Variants in MAP3K5 observed in about 807,000 individuals in gnomAD.
MAP3K5 encodes ASK-1.
Under a neutral mutation model 158.7 loss-of-function variants are expected in MAP3K5, and 56 were observed. That is an observed-to-expected ratio of 0.35 (90% CI 0.28 to 0.44). The LOEUF (loss-of-function observed/expected upper bound fraction) is 0.44, where lower values mean the gene tolerates loss of function less well. Ranked by LOEUF, MAP3K5 falls within the 20% of genes least tolerant of loss-of-function variation. The pLI, the probability that MAP3K5 is intolerant of heterozygous loss-of-function variation, is 1.00. For missense variants in MAP3K5, 1,294 were observed against 1,674.8 expected (o/e 0.77, Z 3.97); for synonymous variants, 579 against 601.7 (o/e 0.96, Z 0.55).
chr6:136,611,107 C>CAAAAAAAAAAAAAAAAAAAA (rs59508317), intron 18 of MAP3K5, among the ~76,000 whole-genome samples, 175 bp downstream of exon 18: 7 of 24,444 alleles, frequency 2.9e-4, no homozygotes, highest in African/African-American at 4.8e-4. Context: ...GACCCTGTCT[C>CAAAAAAAAAAAAAAAAAAAA]AAAAAAAAAA....
intron 14 of MAP3K5, among the ~76,000 whole-genome samples, chr6:136,623,716 T>A (rs1208989748): frequency 6.6e-6 from 1 of 152,170 alleles, no homozygotes; most frequent in African/African-American, 2.4e-5. Context: ...GGACTGGAAC[T>A]AAATGATTTA....
At position 136,613,157 on chromosome 6, in the gene MAP3K5, T is replaced by G; in HGVS notation, c.2378A>C (p.Tyr793Ser). Residue 793 changes from tyrosine to serine, a missense_variant, in exon 17 of 30, where the codon TAT becomes TCT. This residue lies in a region of MAP3K5 where 362 missense variants were observed against 463.2 expected (regional missense o/e 0.78). Transcript: ENST00000359015. The surrounding 1 kb of genome is among the most constrained non-coding windows in gnomAD (Gnocchi z 4.0). Reference sequence around the variant, plus strand: ...GTGAACTATCTGATTGTCATGGAGATATTTTAATCCTTCCAGTATTTGCTT... The same window carrying G: ...GTGAACTATCTGATTGTCATGGAGAGATTTTAATCCTTCCAGTATTTGCTT... ...YTKQILEGLK[Y>S]LHDNQIVHRD... The G allele has an allele frequency of 6.2e-7, 1 of 1,612,832 alleles. No homozygotes were observed. The highest frequency in any genetic ancestry group is 8.5e-7 in the Non-Finnish European group (1 of 1,179,460).
At chr6:136,694,395 T>C (rs1780514819) in intron 6 of MAP3K5, 85 bp from the exon 7 acceptor site, 1 of 1,090,816 alleles carries the variant, frequency 9.2e-7, no homozygotes, top group Non-Finnish European at 1.3e-6. Flanking sequence ...TTTAACATGT[T>C]GATTCATATT....
intron 7 of MAP3K5, among the ~76,000 whole-genome samples, chr6:136,676,634 A>G (rs1779713014): frequency 6.6e-6 from 1 of 151,974 alleles, no homozygotes; most frequent in African/African-American, 2.4e-5. Flanking sequence ...GAATTGGTAT[A>G]TGATTTTTTT....
Position 136,605,210 on chromosome 6 carries a change from T to C in MAP3K5, c.2678A>G (p.Lys893Arg). The C allele has an allele frequency of 1.2e-6, 2 of 1,613,284 alleles. No homozygotes were observed. The highest frequency in any genetic ancestry group is 1.1e-5 in the South Asian group (1 of 90,768). Residue 893 changes from lysine to arginine, a missense_variant and splice_region_variant, in exon 19 of 30, where the codon AAG becomes AGG. Transcript: ENST00000359015. ...TTTTTAAGAGAAATGAAGTGTGACCTTGAACATAGCTGCTTGTGGTTCTCC... is the reference window on the plus strand; with the variant it reads ...TTTTTAAGAGAAATGAAGTGTGACCCTGAACATAGCTGCTTGTGGTTCTCC... The part of the protein sequence containing the change: ...ELGEPQAAMF[K>R]VGMFKVHPEI...
chr6:136,772,464 G>A (rs1784245226), intron 1 of MAP3K5, among the ~76,000 whole-genome samples: 1 of 151,936 alleles, frequency 6.6e-6, no homozygotes, highest in Admixed American at 6.6e-5. Flanking sequence ...ATTCAGAAAA[G>A]GATGGTTGGG....
chr6:136,601,427 A>T (rs991407404), intron 20 of MAP3K5, among the ~76,000 whole-genome samples: 1 of 152,202 alleles, frequency 6.6e-6, no homozygotes, highest in African/African-American at 2.4e-5. Flanking sequence ...AGGGCTTGGA[A>T]ATCCAACAGC....
intron 26 of MAP3K5, among the ~76,000 whole-genome samples, chr6:136,565,965 T>G (rs553820084): frequency 5.9e-5 from 9 of 152,180 alleles, no homozygotes; most frequent in Non-Finnish European, 1.3e-4. Flanking sequence ...GACATACTAA[T>G]GTAATAAAGA....
In MAP3K5 at chr6:136,639,603, TAAAG is replaced by T; in HGVS notation, c.1870_1873del (p.Leu624MetfsTer26). ...GAAATCATCAGAATTGTGAAGCACA[TAAAG>T]AAAGCAGCATCTTTCTTCAAATTTA... On this transcript the variant is annotated frameshift_variant, in exon 13 of 30. Transcript: ENST00000359015. LOFTEE classifies it high-confidence loss of function. 3 of 1,598,630 alleles carry T rather than the reference TAAAG, an allele frequency of 1.9e-6. No homozygotes were observed. The highest frequency in any genetic ancestry group is 2.6e-6 in the Non-Finnish European group (3 of 1,175,060).
intron 1 of MAP3K5, among the ~76,000 whole-genome samples, chr6:136,737,762 A>G (rs954982847): frequency 6.6e-6 from 1 of 152,242 alleles, no homozygotes; most frequent in African/African-American, 2.4e-5. Flanking sequence ...ATGGGCTGAT[A>G]ACCTTCAAGT....
chr6:136,761,691 T>C (rs1188095690), intron 1 of MAP3K5, among the ~76,000 whole-genome samples: 1 of 152,204 alleles, frequency 6.6e-6, no homozygotes, highest in Non-Finnish European at 1.5e-5. Context: ...GGGGCTGCGA[T>C]GAGGCAGATG....
At chr6:136,700,440 G>A (rs989512639) in intron 3 of MAP3K5, among the ~76,000 whole-genome samples, 2 of 152,132 alleles carry the variant, frequency 1.3e-5, no homozygotes, top group Non-Finnish European at 2.9e-5. Flanking sequence ...TTCTAAGGGC[G>A]ACTACCTATA....
At chr6:136,578,514 T>C (rs955981815) in intron 25 of MAP3K5, among the ~76,000 whole-genome samples, 1 of 151,808 alleles carries the variant, frequency 6.6e-6, no homozygotes, top group African/African-American at 2.4e-5. Flanking sequence ...GCATCACAAA[T>C]AGGTGAAAAC....
chr6:136,623,562 G>A (rs553682516), intron 14 of MAP3K5, among the ~76,000 whole-genome samples: 7 of 152,280 alleles, frequency 4.6e-5, no homozygotes, highest in Middle Eastern at 3.4e-3. Flanking sequence ...TTTGATCTCT[G>A]ATGTAGAAAG....
At chr6:136,713,192 G>T (rs528534410) in intron 2 of MAP3K5, among the ~76,000 whole-genome samples, 13 of 152,222 alleles carry the variant, frequency 8.5e-5, no homozygotes, top group Non-Finnish European at 1.5e-4. Flanking sequence ...TCTGTGTGCA[G>T]AAGTAGTCCT....
Position 136,791,922 on chromosome 6 carries a change from C to A in MAP3K5, c.236G>T (p.Gly79Val), listed in dbSNP as rs1326842564. The change falls in exon 1 of 30, where the codon GGC becomes GTC. Residue 79 changes from glycine (G) to valine (V), a missense_variant. Gly to Val is a moderately radical substitution (Grantham distance 109). Transcript: ENST00000359015. Reference protein sequence around the residue: ...AATSSSSATRGRGSSVGGGSR... With the variant: ...AATSSSSATRVRGSSVGGGSR... ...GCCCCCGCCAACAGAGCTGCCCCGG[C>A]CTCGGGTGGCACTGCTCGAGGAGGT... 6.2e-7 allele frequency: 1 copy of A among 1,612,620 alleles called. No homozygotes were observed. The highest frequency in any genetic ancestry group is 8.5e-7 in the Non-Finnish European group (1 of 1,179,786).
chr6:136,788,614 G>A (rs1375837796), intron 1 of MAP3K5, among the ~76,000 whole-genome samples: 1 of 152,154 alleles, frequency 6.6e-6, no homozygotes, highest in African/African-American at 2.4e-5. Context: ...CTTCTCAGAA[G>A]AAGGCATACA....
intron 25 of MAP3K5, among the ~76,000 whole-genome samples, chr6:136,574,924 C>T (rs990221119): frequency 3.3e-5 from 5 of 151,592 alleles, no homozygotes; most frequent in Admixed American, 3.3e-4. Context: ...CTCCTGACCT[C>T]GTGATCCGCC....
rs528651596 is a variant in MAP3K5 at position 136,787,791 on chromosome 6, G to A, written c.448+3919C>T. ...CACAGCAGAGCTGGGATGAAAACTCGGATCTAATATGAGGGACCATGTTCT... is the reference window on the plus strand; with the variant it reads ...CACAGCAGAGCTGGGATGAAAACTCAGATCTAATATGAGGGACCATGTTCT... On this transcript the variant is annotated intron_variant, in intron 1 of 29. Transcript: ENST00000359015. Among the ~76,000 whole-genome samples the A allele has an allele frequency of 7.0e-4, 107 of 152,286 alleles. 5 individuals are homozygous for A. The South Asian group carries it at 0.018, about 26-fold the overall frequency.
Sources: allele counts gnomAD v4.1 joint callset (sites outside exome capture counted in the v4.1 genomes callset), GRCh38; gene constraint gnomAD v4.1.1; regional missense constraint gnomAD v4.1.1; non-coding constraint Gnocchi (gnomAD v3.1); transcripts MANE v1.5; gene names NCBI Gene and HGNC (gene_info 2026-07-23, HGNC 2026-07-21).